Variants in POC1B observed in about 807,000 individuals in gnomAD.
POC1B encodes the protein POC1 centriolar protein homolog B.
A neutral mutation model predicts 60.6 loss-of-function variants in POC1B; 44 were observed. The ratio of observed to expected loss-of-function variants is 0.73; its 90% CI spans 0.57 to 0.93. POC1B has a LOEUF of 0.93. Ranked by LOEUF, POC1B falls within the 40% of genes least tolerant of loss-of-function variation. The pLI is 0.00. For missense variants in POC1B, 555 were observed against 572.3 expected, an observed-to-expected ratio of 0.97 and a Z score of 0.31; for synonymous variants, 180 against 198.9, an observed-to-expected ratio of 0.90 and a Z score of 0.80.
chr12:89,468,632 T>G (rs557164720), intron 7 of POC1B, among the ~76,000 whole-genome samples: 4 of 151,592 alleles, frequency 2.6e-5, no homozygotes, highest in African/African-American at 9.7e-5. Flanking sequence ...TATTATTTTG[T>G]ACTTTTTTCA....
At chr12:89,511,315 C>G (rs544033627) in intron 2 of POC1B, among the ~76,000 whole-genome samples, 61 of 151,592 alleles carry the variant, frequency 4.0e-4, no homozygotes, top group African/African-American at 1.4e-3. Flanking sequence ...ACTTGGGAGG[C>G]TGAGGCAGGG....
At chr12:89,456,968 G>T (rs1882286654) in intron 10 of POC1B, among the ~76,000 whole-genome samples, 1 of 152,152 alleles carries the variant, frequency 6.6e-6, no homozygotes, top group Non-Finnish European at 1.5e-5. Context: ...GGTTTAAAGA[G>T]ACATCTTTTT....
intron 10 of POC1B, among the ~76,000 whole-genome samples, chr12:89,448,526 T>C (rs1191530190): frequency 6.6e-6 from 1 of 152,014 alleles, no homozygotes; most frequent in Non-Finnish European, 1.5e-5. Context: ...AGACAAAAAC[T>C]GAAAATTAGT....
At chr12:89,422,320 T>G (rs1374455471) in intron 11 of POC1B, among the ~76,000 whole-genome samples, 1 of 152,204 alleles carries the variant, frequency 6.6e-6, no homozygotes, top group African/African-American at 2.4e-5. Flanking sequence ...TCCCTAGACA[T>G]TAAAATTTTC....
At chr12:89,404,713 G>A in the POC1B span, among the ~76,000 whole-genome samples, 8 of 152,060 alleles carry the variant, frequency 5.3e-5, no homozygotes, top group Non-Finnish European at 8.8e-5. Context: ...TGCCACAATC[G>A]AGAGTCTTGC....
At chr12:89,423,717 C>T (rs1306236874) in intron 11 of POC1B, among the ~76,000 whole-genome samples, 1 of 152,162 alleles carries the variant, frequency 6.6e-6, no homozygotes, top group Non-Finnish European at 1.5e-5. Context: ...GTTGTGCCTG[C>T]TTCTAACCTT....
intron 2 of POC1B, chr12:89,500,980 C>A: frequency 1.1e-6 from 1 of 906,826 alleles, no homozygotes. Flanking sequence ...TCGTGTCCTC[C>A]CGATGATATG....
intron 2 of POC1B, chr12:89,502,652 C>A: frequency 7.5e-7 from 1 of 1,330,920 alleles, no homozygotes; most frequent in East Asian, 2.3e-5. Context: ...AGATACATAT[C>A]AATTTTTTGT....
At chr12:89,427,103 T>C (rs1377911233) in intron 10 of POC1B, 1 of 152,156 alleles carries the variant, frequency 6.6e-6, no homozygotes, top group Non-Finnish European at 1.5e-5. Flanking sequence ...ATAATATTGA[T>C]GAAAAAAATG....
intron 4 of POC1B, among the ~76,000 whole-genome samples, chr12:89,490,121 G>A (rs775323483): frequency 6.6e-6 from 1 of 152,098 alleles, no homozygotes; most frequent in Non-Finnish European, 1.5e-5. Context: ...AGAGAGAGGC[G>A]TAACAGTACT....
At chr12:89,484,923 C>G (rs1868552711) in intron 4 of POC1B, among the ~76,000 whole-genome samples, 1 of 152,134 alleles carries the variant, frequency 6.6e-6, no homozygotes, top group Non-Finnish European at 1.5e-5. Flanking sequence ...CCTGAGAAAA[C>G]TATCTAACAA....
the POC1B span, among the ~76,000 whole-genome samples, chr12:89,412,574 G>C: frequency 6.6e-6 from 1 of 151,676 alleles, no homozygotes; most frequent in Non-Finnish European, 1.5e-5. Context: ...AATTCGGGAG[G>C]CTGAGGCAGA....
At chr12:89,423,172 T>C (rs1276402359) in intron 11 of POC1B, among the ~76,000 whole-genome samples, 1 of 152,198 alleles carries the variant, frequency 6.6e-6, no homozygotes, top group East Asian at 1.9e-4. Context: ...GCTCGGCTAA[T>C]TAACTTGTTG....
chr12:89,409,014 A>G, the POC1B span, among the ~76,000 whole-genome samples: 4 of 152,166 alleles, frequency 2.6e-5, no homozygotes, highest in Non-Finnish European at 5.9e-5. Context: ...CAGATTCTGA[A>G]TATTAGCCCT....
chr12:89,418,955 G>C (rs1388493639), downstream of POC1B, among the ~76,000 whole-genome samples: 1 of 152,146 alleles, frequency 6.6e-6, no homozygotes, highest in Non-Finnish European at 1.5e-5. Context: ...TTAGTGGCTT[G>C]GATCATGGTG....
At position 89,471,768 on chromosome 12, in the gene POC1B, CTTTTTTTT is replaced by C. The variant is rs776025659; in HGVS notation, c.561-47_561-40del. ...ATAAGATGACCTAATATTTCAATTT[CTTTTTTTT>C]TTTTTTTTGAGACGGAATCTCACTC... On this transcript the variant is annotated intron_variant, in intron 5 of 11. Transcript: ENST00000313546. 32 of 820,528 alleles carry C rather than the reference CTTTTTTTT, an allele frequency of 3.9e-5. 2 individuals are homozygous for C. Among genetic ancestry groups the C allele is most frequent in the Middle Eastern group, 7.4e-4 (2 of 2,720 alleles). 50.8% of individuals were successfully genotyped at this position (820,528 alleles called of 1,614,324 possible).
chr12:89,523,406 C>T (rs1270977717), intron 2 of POC1B: 4 of 1,613,940 alleles, frequency 2.5e-6, no homozygotes. Flanking sequence ...ACTTCTGCTG[C>T]CCGAGCAGTA....
chr12:89,470,480 C>T lies in POC1B; in HGVS notation c.691G>A (p.Val231Ile), dbSNP rs1467842563. 7 of 1,605,994 alleles carry T rather than the reference C, an allele frequency of 4.4e-6. No individual in the cohort carries two copies. The highest frequency in any genetic ancestry group is 6.0e-6 in the Non-Finnish European group (7 of 1,174,484). ...LQHYQVHSGG[V>I]NCISFHPSGN... The stretch of plus-strand genomic sequence containing the variant: ...GAAGGATGGAATGATATGCAATTAA[C>T]TCCACCGCTGTGAACTGATTTGTAG... Residue 231 changes from valine (V) to isoleucine (I), a missense_variant, in exon 7 of 12, where the codon GTT becomes ATT. By Grantham distance (29) the Val-to-Ile change is conservative (BLOSUM62 3). Transcript: ENST00000313546.
chr12:89,525,554 T>C (rs1409304212), intron 1 of POC1B: 75 of 1,269,772 alleles, frequency 5.9e-5, no homozygotes, highest in Non-Finnish European at 7.4e-5. Flanking sequence ...TTTGGTACTT[T>C]TTTTTTTTTT....
Sources: allele counts gnomAD v4.1 joint callset (sites outside exome capture counted in the v4.1 genomes callset), GRCh38; gene constraint gnomAD v4.1.1; transcripts MANE v1.5; gene names NCBI Gene and HGNC (gene_info 2026-07-23, HGNC 2026-07-21).